The following GULP1 variants were observed in gnomAD, a reference collection of about 807,000 sequenced individuals.
The protein encoded by GULP1 is PTB domain-containing engulfment adapter protein 1.
GULP1 carries 19 observed loss-of-function variants against 40.9 expected under a neutral mutation model. The ratio of observed to expected loss-of-function variants is 0.46; its 90% CI spans 0.32 to 0.68. The LOEUF (loss-of-function observed/expected upper bound fraction) is 0.68. Among genes scored for constraint, GULP1 ranks in the 30% least tolerant of loss-of-function variants. The pLI is 0.03. For missense variants in GULP1, 312 were observed against 362.2 expected (o/e 0.86, Z 1.12); for synonymous variants, 119 against 117.6 (o/e 1.01, Z -0.08).
chr2:188,421,086 G>A (rs1172406374), intron 2 of GULP1, among the ~76,000 whole-genome samples: 1 of 152,024 alleles, frequency 6.6e-6, no homozygotes, highest in Non-Finnish European at 1.5e-5. Flanking sequence ...AGAAATAAAG[G>A]CATCCAAATT....
At chr2:188,509,760 A>T (rs1373328450) in intron 4 of GULP1, among the ~76,000 whole-genome samples, 1 of 152,102 alleles carries the variant, frequency 6.6e-6, no homozygotes, top group Non-Finnish European at 1.5e-5. Context: ...ATATTTGAAA[A>T]CTTTTTGTTG....
intron 9 of GULP1, among the ~76,000 whole-genome samples, chr2:188,580,531 C>T (rs1158190737): frequency 1.5e-5 from 2 of 132,834 alleles, no homozygotes; most frequent in East Asian, 2.2e-4. Context: ...CCAGCCTGGG[C>T]GACAGAGCGA....
intron 2 of GULP1, among the ~76,000 whole-genome samples, chr2:188,443,507 C>G (rs1172461420): frequency 3.9e-5 from 6 of 152,084 alleles, no homozygotes; most frequent in Non-Finnish European, 7.4e-5. Flanking sequence ...ATGATTGACC[C>G]TCGAGCCTAA....
Position 188,587,302 on chromosome 2 carries a change from C to G in GULP1, c.749-553C>G, listed in dbSNP as rs557656388. Among the ~76,000 whole-genome samples, 6 of 152,116 alleles carry G rather than the reference C, an allele frequency of 3.9e-5. 1 individual carries two copies. Among genetic ancestry groups the G allele is most frequent in the African/African-American group, 1.4e-4 (6 of 41,538 alleles). On this transcript the variant is annotated intron_variant, in intron 10 of 11. Coordinates refer to ENST00000409830, the MANE Select transcript of GULP1 (RefSeq NM_016315.4). ...GGGATAGGAGGCATTTTTAAAGAAA[C>G]TATCTCATTGTGACTATCTAGAAAG...
At chr2:188,386,048 A>G (rs2049691869) in intron 2 of GULP1, among the ~76,000 whole-genome samples, 1 of 151,930 alleles carries the variant, frequency 6.6e-6, no homozygotes, top group Admixed American at 6.6e-5. Context: ...GCAGCATCCA[A>G]CTCCTGGTAC....
chr2:188,302,303 A>T (rs2036269294), intron 1 of GULP1, among the ~76,000 whole-genome samples: 1 of 152,190 alleles, frequency 6.6e-6, no homozygotes, highest in Admixed American at 6.5e-5. Flanking sequence ...GAATAATCTA[A>T]CAAGCTCAGA....
chr2:188,368,764 G>C (rs2047144018), intron 1 of GULP1, among the ~76,000 whole-genome samples: 1 of 151,250 alleles, frequency 6.6e-6, no homozygotes, highest in Non-Finnish European at 1.5e-5. Context: ...ATTAGCTATA[G>C]AACAGTTATG....
chr2:188,554,868 A>G (rs1328021555), intron 7 of GULP1, among the ~76,000 whole-genome samples: 1 of 151,990 alleles, frequency 6.6e-6, no homozygotes. Flanking sequence ...ATATCGTCTC[A>G]CTGGATATAT....
intron 2 of GULP1, among the ~76,000 whole-genome samples, chr2:188,393,644 T>G (rs1262252645): frequency 6.6e-6 from 1 of 152,164 alleles, no homozygotes; most frequent in Non-Finnish European, 1.5e-5. Context: ...TTTGTTTTCT[T>G]CTTTGTTATT....
At chr2:188,551,667 C>A (rs904512351) in intron 7 of GULP1, among the ~76,000 whole-genome samples, 6 of 151,636 alleles carry the variant, frequency 4.0e-5, no homozygotes, top group African/African-American at 1.5e-4. Flanking sequence ...ATATTGATTT[C>A]TTTTCATTTG....
intron 1 of GULP1, among the ~76,000 whole-genome samples, chr2:188,327,160 C>T (rs1427475536): frequency 6.6e-6 from 1 of 152,096 alleles, no homozygotes; most frequent in Non-Finnish European, 1.5e-5. Flanking sequence ...TTATCTGAGG[C>T]CTCTGTGTTT....
intron 1 of GULP1, among the ~76,000 whole-genome samples, chr2:188,363,715 C>T (rs1479215563): frequency 6.6e-6 from 1 of 152,028 alleles, no homozygotes; most frequent in Non-Finnish European, 1.5e-5. Context: ...TGCCATTGTA[C>T]ATAAGATTTG....
intron 1 of GULP1, among the ~76,000 whole-genome samples, chr2:188,373,727 T>C (rs368705918): frequency 6.6e-6 from 1 of 151,964 alleles, no homozygotes; most frequent in East Asian, 1.9e-4. Flanking sequence ...GAAAATACCT[T>C]ATTAGAGTAG....
intron 2 of GULP1, among the ~76,000 whole-genome samples, chr2:188,424,022 T>C (rs900470796): frequency 3.3e-5 from 5 of 151,836 alleles, no homozygotes; most frequent in Non-Finnish European, 5.9e-5. Flanking sequence ...ATATAGGCTT[T>C]AAAAAATAAT....
intron 1 of GULP1, among the ~76,000 whole-genome samples, chr2:188,298,458 T>C (rs947254698): frequency 6.6e-6 from 1 of 152,078 alleles, no homozygotes; most frequent in Non-Finnish European, 1.5e-5. Flanking sequence ...TATTTGAAAT[T>C]ACGTAAATGC....
intron 2 of GULP1, among the ~76,000 whole-genome samples, chr2:188,463,557 G>C (rs1043003973): frequency 6.6e-6 from 1 of 151,908 alleles, no homozygotes; most frequent in African/African-American, 2.4e-5. Flanking sequence ...TATTTCTCTA[G>C]GTTTAGGAAG....
At chr2:188,324,640 A>G (rs976063418) in intron 1 of GULP1, among the ~76,000 whole-genome samples, 4 of 151,956 alleles carry the variant, frequency 2.6e-5, no homozygotes, top group Non-Finnish European at 5.9e-5. Flanking sequence ...TTAAATATCA[A>G]TTTTATTATA....
intron 7 of GULP1, among the ~76,000 whole-genome samples, chr2:188,566,489 A>G (rs1697695703): frequency 6.6e-6 from 1 of 152,176 alleles, no homozygotes; most frequent in African/African-American, 2.4e-5. Flanking sequence ...ATGATTCTTT[A>G]TAATGTACAA....
intron 2 of GULP1, among the ~76,000 whole-genome samples, chr2:188,462,302 T>C (rs2059771979): frequency 6.6e-6 from 1 of 152,194 alleles, no homozygotes; most frequent in Non-Finnish European, 1.5e-5. Context: ...TGATATTATT[T>C]CAATTTTTTG....
Sources: gnomAD v4.1 joint callset for allele counts (sites outside exome capture counted in the v4.1 genomes callset) on GRCh38, gnomAD v4.1.1 for gene constraint, MANE v1.5 for transcripts, NCBI Gene and HGNC (gene_info 2026-07-23, HGNC 2026-07-21) for gene names.